PRKCA: variants seen among roughly 807,000 people sequenced by gnomAD.
PRKCA encodes protein kinase C alpha type.
In PRKCA, 27 loss-of-function variants were observed where a neutral mutation model predicts 87.0. The observed-to-expected ratio is 0.31, with a 90% CI of 0.23 to 0.43. The LOEUF (loss-of-function observed/expected upper bound fraction) is 0.43, where lower values mean the gene tolerates loss of function less well. PRKCA is among the 20% of genes least tolerant of loss of function. The probability of loss-of-function intolerance (pLI) is 1.00; values close to 1 mark genes in which losing one functional copy is unlikely to be tolerated. For missense variants in PRKCA, 518 were observed against 852.3 expected, an observed-to-expected ratio of 0.61 and a Z score of 4.88; for synonymous variants, 329 against 311.1, an observed-to-expected ratio of 1.06 and a Z score of -0.61.
intron 4 of PRKCA, among the ~76,000 whole-genome samples, chr17:66,643,809 C>A (rs1209878361): frequency 1.3e-5 from 2 of 152,052 alleles, no homozygotes; most frequent in African/African-American, 4.8e-5. Context: ...CAATTGCAAT[C>A]CTAGATAGAG....
chr17:66,530,575 C>A (rs1848474676), intron 3 of PRKCA, among the ~76,000 whole-genome samples: 1 of 152,198 alleles, frequency 6.6e-6, no homozygotes, highest in Admixed American at 6.5e-5. Context: ...TGTTTCCCAG[C>A]ATTCTCTGTC....
chr17:66,587,899 ATAT>A (rs1969670313), intron 3 of PRKCA, among the ~76,000 whole-genome samples: 1 of 38,288 alleles, frequency 2.6e-5, no homozygotes, highest in Non-Finnish European at 4.5e-5. Flanking sequence ...GTGTGTGTAT[ATAT>A]ATATATATAT....
intron 3 of PRKCA, among the ~76,000 whole-genome samples, chr17:66,545,441 A>G (rs1421361786): frequency 6.6e-6 from 1 of 152,110 alleles, no homozygotes; most frequent in Non-Finnish European, 1.5e-5. Flanking sequence ...AAAAACAGAT[A>G]ATTTATCTAC....
At chr17:66,573,539 A>G (rs1214698400) in intron 3 of PRKCA, among the ~76,000 whole-genome samples, 2 of 152,224 alleles carry the variant, frequency 1.3e-5, no homozygotes, top group East Asian at 1.9e-4. Flanking sequence ...TTCTAATTAT[A>G]AAGATGCTGC....
At chr17:66,734,446 T>C (rs1260687543) in intron 9 of PRKCA, among the ~76,000 whole-genome samples, 1 of 152,200 alleles carries the variant, frequency 6.6e-6, no homozygotes, top group Non-Finnish European at 1.5e-5. Context: ...TTCTGGGCAT[T>C]GCCATGGCAT....
At chr17:66,393,498 A>G (rs1910483255) in intron 2 of PRKCA, among the ~76,000 whole-genome samples, 2 of 152,182 alleles carry the variant, frequency 1.3e-5, no homozygotes, top group Admixed American at 6.5e-5. Context: ...GTGCTGGAGA[A>G]CAGCTCGGAG....
chr17:66,489,354 T>TGC (rs1184997634), intron 2 of PRKCA, among the ~76,000 whole-genome samples: 91 of 12,650 alleles, frequency 7.2e-3, no homozygotes, highest in African/African-American at 0.04. Context: ...TAGCAGTGCA[T>TGC]ATATATATAT....
chr17:66,304,396 T>G (rs1448050886), intron 1 of PRKCA, among the ~76,000 whole-genome samples: 1 of 152,206 alleles, frequency 6.6e-6, no homozygotes, highest in Non-Finnish European at 1.5e-5. Flanking sequence ...GTTTTTCTTT[T>G]AAGTTGCCCG....
At chr17:66,505,612 G>T (rs1335894965) in intron 3 of PRKCA, among the ~76,000 whole-genome samples, 1 of 152,130 alleles carries the variant, frequency 6.6e-6, no homozygotes, top group South Asian at 2.1e-4. Context: ...TGGTGAGATT[G>T]TCTCGGGAGG....
chr17:66,636,709 C>T (rs1971159627), intron 3 of PRKCA, among the ~76,000 whole-genome samples: 1 of 152,184 alleles, frequency 6.6e-6, no homozygotes, highest in Non-Finnish European at 1.5e-5. Flanking sequence ...GTTGCAAAGT[C>T]TTTCTCTTAT....
At chr17:66,583,069 G>T (rs1457460669) in intron 3 of PRKCA, among the ~76,000 whole-genome samples, 1 of 152,202 alleles carries the variant, frequency 6.6e-6, no homozygotes, top group African/African-American at 2.4e-5. Flanking sequence ...AGGATTAGGT[G>T]AATTAGTATG....
At chr17:66,555,214 C>G (rs1409708593) in intron 3 of PRKCA, among the ~76,000 whole-genome samples, 2 of 152,224 alleles carry the variant, frequency 1.3e-5, no homozygotes, top group Admixed American at 6.5e-5. Flanking sequence ...GGTATCGTAT[C>G]TTTCTGTGCA....
chr17:66,582,717 G>C (rs1050408299), intron 3 of PRKCA, among the ~76,000 whole-genome samples: 1 of 152,314 alleles, frequency 6.6e-6, no homozygotes, highest in East Asian at 1.9e-4. Flanking sequence ...AGTTTGTGTA[G>C]TTTTCCATTC....
At chr17:66,613,864 C>T (rs1176693830) in intron 3 of PRKCA, among the ~76,000 whole-genome samples, 2 of 123,938 alleles carry the variant, frequency 1.6e-5, no homozygotes, top group South Asian at 2.9e-4. Context: ...CTCACTGTAA[C>T]CTTCACCTCC....
intron 5 of PRKCA, among the ~76,000 whole-genome samples, chr17:66,647,075 G>A (rs1971476142): frequency 1.3e-5 from 2 of 152,146 alleles, no homozygotes; most frequent in African/African-American, 4.8e-5. Flanking sequence ...CCTCTGACTG[G>A]GCACTGATGC....
intron 2 of PRKCA, among the ~76,000 whole-genome samples, chr17:66,405,045 C>A (rs1046682165): frequency 6.6e-6 from 1 of 151,990 alleles, no homozygotes; most frequent in Admixed American, 6.6e-5. Flanking sequence ...CCACTGCGCC[C>A]GGCCAAGAGA....
chr17:66,784,920 G>T (rs1975341298), intron 14 of PRKCA, among the ~76,000 whole-genome samples: 1 of 152,220 alleles, frequency 6.6e-6, no homozygotes, highest in South Asian at 2.1e-4. Context: ...CCTGCTGGTG[G>T]AAGTTGCTGT....
At chr17:66,624,319 A>G (rs1018247012) in intron 3 of PRKCA, among the ~76,000 whole-genome samples, 1 of 152,024 alleles carries the variant, frequency 6.6e-6, no homozygotes, top group Non-Finnish European at 1.5e-5. Context: ...GGACAGTTTC[A>G]TCTTGGCCAG....
chr17:66,789,665 T>C (rs1167725071), intron 16 of PRKCA, among the ~76,000 whole-genome samples: 1 of 152,098 alleles, frequency 6.6e-6, no homozygotes, highest in Non-Finnish European at 1.5e-5. Flanking sequence ...CAGTTTGCAG[T>C]GGAGGAAACA....
Sources: gnomAD v4.1 joint callset for allele counts (sites outside exome capture counted in the v4.1 genomes callset) on GRCh38, gnomAD v4.1.1 for gene constraint, MANE v1.5 for transcripts, NCBI Gene and HGNC (gene_info 2026-07-23, HGNC 2026-07-21) for gene names.